Variants in NTRK2 observed in about 807,000 individuals in gnomAD.
The protein encoded by NTRK2 is neurotrophic receptor tyrosine kinase 2, also known as BDNF/NT-3 growth factors receptor.
Under a neutral mutation model 94.5 loss-of-function variants are expected in NTRK2, and 13 were observed. That is an observed-to-expected ratio of 0.14 (90% confidence interval 0.09 to 0.22). The LOEUF (loss-of-function observed/expected upper bound fraction) is 0.22. Among genes scored for constraint, NTRK2 ranks in the 10% least tolerant of loss-of-function variants. The pLI is 1.00. For missense variants in NTRK2, 639 were observed against 1,071.2 expected (o/e 0.60, Z 5.63); for synonymous variants, 372 against 407.4 (o/e 0.91, Z 1.05).
chr9:84,865,043 C>T (rs1050736764), intron 13 of NTRK2, among the ~76,000 whole-genome samples: 3 of 152,062 alleles, frequency 2.0e-5, no homozygotes, highest in African/African-American at 7.2e-5. Context: ...CCGGCCAACA[C>T]ATCTTCATTT....
intron 14 of NTRK2, chr9:84,873,198 C>T (rs141653541): frequency 1.8e-4 from 191 of 1,062,492 alleles, no homozygotes; most frequent in Middle Eastern, 8.4e-4. Flanking sequence ...TCCTTCTGTA[C>T]TTTGCCTATT....
intron 17 of NTRK2, among the ~76,000 whole-genome samples, chr9:84,997,219 C>T (rs1417174441): frequency 6.6e-6 from 1 of 152,154 alleles, no homozygotes; most frequent in Non-Finnish European, 1.5e-5. Context: ...GGATTTAGAC[C>T]TGGGCAGGTG....
intron 14 of NTRK2, among the ~76,000 whole-genome samples, chr9:84,916,452 T>C (rs2077395620): frequency 1.3e-5 from 2 of 152,192 alleles, no homozygotes; most frequent in Non-Finnish European, 2.9e-5. Context: ...TGGTACTGTT[T>C]CCCACTAGAC....
At chr9:84,718,970 T>C (rs2061886064) in intron 6 of NTRK2, among the ~76,000 whole-genome samples, 1 of 152,204 alleles carries the variant, frequency 6.6e-6, no homozygotes, top group South Asian at 2.1e-4. Flanking sequence ...CCAATTTTGC[T>C]CAGATTCCTT....
intron 12 of NTRK2, among the ~76,000 whole-genome samples, chr9:84,779,195 G>A (rs2067329077): frequency 6.6e-6 from 1 of 152,140 alleles, no homozygotes; most frequent in African/African-American, 2.4e-5. Context: ...CCAAACATAG[G>A]TGCTCATTCT....
At chr9:84,776,235 C>G (rs1237212899) in intron 12 of NTRK2, among the ~76,000 whole-genome samples, 2 of 151,722 alleles carry the variant, frequency 1.3e-5, no homozygotes, top group African/African-American at 2.4e-5. Flanking sequence ...TTTATTTTTT[C>G]TTTTGAGACA....
chr9:84,744,402 T>A (rs1002502923), intron 10 of NTRK2, among the ~76,000 whole-genome samples: 1 of 152,206 alleles, frequency 6.6e-6, no homozygotes, highest in South Asian at 2.1e-4. Context: ...CCAAGTTTCA[T>A]ACTGATGCTT....
chr9:85,024,484 T>C lies in NTRK2; in HGVS notation c.*3047T>C. 1 of 233,050 alleles carries C rather than the reference T, an allele frequency of 4.3e-6. No individual in the cohort carries two copies. Among genetic ancestry groups the C allele is most frequent in the Non-Finnish European group, 8.5e-6 (1 of 117,906 alleles). The allele number at this position is 233,050 out of a possible 1,614,324, so 14.4% of individuals were successfully genotyped here. On this transcript the variant is annotated 3_prime_UTR_variant, in exon 19 of 19. Transcript: ENST00000277120. ...GTGTTAGCAAATTATTCCTATTTTG[T>C]GTAGATGAGGACGTTGAGACTCAGA...
At chr9:84,697,596 C>T (rs72737672) in intron 2 of NTRK2, among the ~76,000 whole-genome samples, 5,673 of 152,314 alleles carry the variant, frequency 0.037, 143 homozygotes, top group Non-Finnish European at 0.058. Context: ...TGACCTGGCA[C>T]TTCCTCTCTC....
chr9:84,853,898 G>A (rs10868230), intron 12 of NTRK2, among the ~76,000 whole-genome samples: 61,653 of 151,870 alleles, frequency 0.41, 14,229 homozygotes, highest in Non-Finnish European at 0.53. Context: ...TGGCTAACAC[G>A]GTAAAACCTC....
At chr9:85,021,162 G>A (rs1462809402) in intron 18 of NTRK2, 90 bp from the exon 19 acceptor site, 2 of 1,119,044 alleles carry the variant, frequency 1.8e-6, no homozygotes, top group Admixed American at 1.9e-5. Flanking sequence ...TTTTGTAAAA[G>A]CCCTCTCTTC....
At chr9:84,797,602 TTATATATAA>T (rs1315133440) in intron 12 of NTRK2, among the ~76,000 whole-genome samples, 40 of 80,796 alleles carry the variant, frequency 5.0e-4, no homozygotes, top group East Asian at 6.8e-4. Context: ...ATACTATATA[TTATATATAA>T]TATATATACT....
At chr9:84,845,070 A>G (rs554902633) in intron 12 of NTRK2, among the ~76,000 whole-genome samples, 17 of 152,314 alleles carry the variant, frequency 1.1e-4, no homozygotes, top group African/African-American at 3.8e-4. Flanking sequence ...AAGAACTAAA[A>G]GTAGAACTAC....
intron 2 of NTRK2, among the ~76,000 whole-genome samples, chr9:84,677,899 A>C (rs1471652882): frequency 6.6e-6 from 1 of 152,224 alleles, no homozygotes; most frequent in Non-Finnish European, 1.5e-5. Context: ...GCCTTTGGTA[A>C]TATGGCATCT....
intron 12 of NTRK2, chr9:84,812,256 T>C (rs1225330583): frequency 2.8e-6 from 3 of 1,056,350 alleles, no homozygotes; most frequent in African/African-American, 1.7e-5. Context: ...TACTGCATCC[T>C]TTACATTAGC....
chr9:84,848,664 G>C (rs1257674953), intron 12 of NTRK2, among the ~76,000 whole-genome samples: 1 of 152,188 alleles, frequency 6.6e-6, no homozygotes, highest in African/African-American at 2.4e-5. Context: ...CAGACCCTCT[G>C]ACGTTTTGAA....
intron 6 of NTRK2, among the ~76,000 whole-genome samples, chr9:84,720,488 T>A (rs973767814): frequency 5.3e-5 from 8 of 152,214 alleles, no homozygotes; most frequent in African/African-American, 1.9e-4. Context: ...AATGATTTCA[T>A]GATCCTGACA....
chr9:84,812,933 A>G (rs2071972282), intron 12 of NTRK2: 2 of 1,033,014 alleles, frequency 1.9e-6, no homozygotes, highest in Non-Finnish European at 1.2e-6. Flanking sequence ...AAATTATTTC[A>G]TATAGTTCTC....
At chr9:84,885,057 G>T (rs2076371536) in intron 14 of NTRK2, among the ~76,000 whole-genome samples, 1 of 152,188 alleles carries the variant, frequency 6.6e-6, no homozygotes, top group South Asian at 2.1e-4. Flanking sequence ...TCCCTAGTTA[G>T]CCTAGGGCTG....
Sources: allele counts gnomAD v4.1 joint callset (sites outside exome capture counted in the v4.1 genomes callset), GRCh38; gene constraint gnomAD v4.1.1; transcripts MANE v1.5; gene names NCBI Gene and HGNC (gene_info 2026-07-23, HGNC 2026-07-21).